The following ZW10 variants were observed in gnomAD, a reference collection of about 807,000 sequenced individuals.
The protein encoded by ZW10 is centromere/kinetochore protein zw10 homolog.
ZW10 carries 53 observed loss-of-function variants against 87.8 expected under a neutral mutation model. The observed-to-expected ratio is 0.60, with a 90% CI of 0.48 to 0.76. The LOEUF (loss-of-function observed/expected upper bound fraction) is 0.76. Ranked by LOEUF, ZW10 falls within the 30% of genes least tolerant of loss-of-function variation. The probability of loss-of-function intolerance (pLI) is 0.00; values close to 1 mark genes in which losing one functional copy is unlikely to be tolerated. For missense variants in ZW10, 837 were observed against 923.0 expected, an observed-to-expected ratio of 0.91 and a Z score of 1.21; for synonymous variants, 312 against 329.2, an observed-to-expected ratio of 0.95 and a Z score of 0.57.
intron 7 of ZW10, among the ~76,000 whole-genome samples, chr11:113,749,055 G>A (rs1463916670): frequency 6.6e-6 from 1 of 152,082 alleles, no homozygotes; most frequent in Non-Finnish European, 1.5e-5. Flanking sequence ...AGACTTAGGG[G>A]ATTAAGAGCC....
chr11:113,764,879 T>C (rs1953895653), intron 2 of ZW10, among the ~76,000 whole-genome samples: 1 of 152,244 alleles, frequency 6.6e-6, no homozygotes, highest in South Asian at 2.1e-4. Context: ...TTTTTCACTC[T>C]TTTGGGAGCT....
rs1275074105 is a variant in ZW10, at chr11:113,773,614, T to C, written c.53A>G (p.Glu18Gly). 6.2e-7 allele frequency: 1 copy of C among 1,614,018 alleles called. No homozygotes were observed. The highest frequency in any genetic ancestry group is 8.5e-7 in the Non-Finnish European group (1 of 1,179,984). Residue 18 changes from glutamate to glycine, a missense_variant, in exon 1 of 16, where the codon GAG becomes GGG. By Grantham distance (98) the Glu-to-Gly change is moderately conservative. Transcript: ENST00000200135. ...GCGGCTGATCCGGGTCCCCAGATCC[T>C]CCTTTTCCAGCCTCCCGGAGTGTGC... ...VLAHSGRLEK[E>G]DLGTRISRLT...
intron 7 of ZW10, among the ~76,000 whole-genome samples, chr11:113,756,239 C>G (rs1953783617): frequency 6.6e-6 from 1 of 152,090 alleles, no homozygotes; most frequent in Non-Finnish European, 1.5e-5. Flanking sequence ...AGAAGGCCAT[C>G]TGCAAGATAA....
intron 13 of ZW10, among the ~76,000 whole-genome samples, chr11:113,737,970 T>C (rs1319477087): frequency 6.6e-6 from 1 of 152,028 alleles, no homozygotes; most frequent in Non-Finnish European, 1.5e-5. Context: ...AAAGCCAATA[T>C]TTCAAATTCC....
In ZW10 at chr11:113,760,721, T is replaced by C. The variant is rs1420284947; in HGVS notation, c.342+96A>G. On this transcript the variant is annotated intron_variant, in intron 3 of 15. Transcript: ENST00000200135. The stretch of plus-strand genomic sequence containing the variant: ...AAAAAAAAAGAAAGAAAAAAAAATA[T>C]GAAGACAAAAAAACCCATTATAGTC... 5.4e-6 allele frequency: 6 copies of C among 1,102,474 alleles called. No homozygotes were observed. In the East Asian group the frequency reaches 1.7e-4, roughly 31 times the overall value. The allele number at this position is 1,102,474 out of a possible 1,614,324, so 68.3% of individuals were successfully genotyped here.
intron 13 of ZW10, 50 bp downstream of exon 13, chr11:113,738,214 A>G: frequency 1.3e-6 from 2 of 1,515,356 alleles, no homozygotes. Context: ...ACAAAAAAAA[A>G]GGCATCTAAG....
At chr11:113,752,545 T>C (rs1421747827) in intron 7 of ZW10, among the ~76,000 whole-genome samples, 1 of 152,274 alleles carries the variant, frequency 6.6e-6, no homozygotes, top group African/African-American at 2.4e-5. Context: ...TCACTTCATA[T>C]ATCTGTGTCA....
intron 3 of ZW10, 30 bp from the exon 4 acceptor site, chr11:113,760,620 T>A (rs1314444767): frequency 3.2e-6 from 5 of 1,541,300 alleles, no homozygotes; most frequent in Non-Finnish European, 4.5e-6. Context: ...ATTTTATACA[T>A]CCTATTATTT....
In ZW10 at chr11:113,736,826, G is replaced by T. The variant is rs200787888; in HGVS notation, c.2017-4C>A. 177 of 1,613,826 alleles carry T rather than the reference G, an allele frequency of 1.1e-4. No homozygotes were observed. The highest frequency in any genetic ancestry group is 1.5e-4 in the Non-Finnish European group (172 of 1,179,880). On this transcript the variant is annotated splice_polypyrimidine_tract_variant and splice_region_variant and intron_variant, in intron 14 of 15. Coordinates refer to ENST00000200135, the MANE Select transcript of ZW10 (RefSeq NM_004724.4). ...CACCATCTTCAGTAGATATGTCCTGGTTTTGCACAGAGGAAACACAATAGA... is the reference window on the plus strand; with the variant it reads ...CACCATCTTCAGTAGATATGTCCTGTTTTTGCACAGAGGAAACACAATAGA...
At position 113,739,562 on chromosome 11, in the gene ZW10, G is replaced by C. The variant is rs528726370; in HGVS notation, c.1584-180C>G. ...CTCCCAGAGGGAGGCTGTTCTGCCT[G>C]AATGGGATTTTATCCTATAAAACTA... On this transcript the variant is annotated intron_variant, in intron 11 of 15. Coordinates refer to ENST00000200135, the MANE Select transcript of ZW10 (RefSeq NM_004724.4). 9.2e-5 allele frequency among the ~76,000 whole-genome samples: 14 copies of C among 152,326 alleles called. No homozygotes were observed. The South Asian group carries it at 2.9e-3, about 32-fold the overall frequency.
Position 113,741,612 on chromosome 11 carries a change from A to T in ZW10, c.1583+82T>A. 3 of 845,146 alleles carry T rather than the reference A, an allele frequency of 3.5e-6. No homozygotes were observed. The East Asian group carries it at 8.6e-5, about 24-fold the overall frequency. 52.4% of individuals were successfully genotyped at this position (845,146 alleles called of 1,614,324 possible). ...AGTAAACAAAATATCTTTAGTGGGA[A>T]TATAAAATTATTTGTTTTAACTTAA... On this transcript the variant is annotated intron_variant, in intron 11 of 15. Coordinates refer to ENST00000200135, the MANE Select transcript of ZW10 (RefSeq NM_004724.4).
intron 15 of ZW10, among the ~76,000 whole-genome samples, chr11:113,735,667 T>C (rs1002921411): frequency 1.3e-5 from 2 of 152,164 alleles, no homozygotes; most frequent in African/African-American, 4.8e-5. Flanking sequence ...CAAGACAATA[T>C]AAAATCATCC....
At position 113,736,766 on chromosome 11, in the gene ZW10, A is replaced by C; in HGVS notation, c.2073T>G (p.Asp691Glu). The C allele has an allele frequency of 6.2e-7, 1 of 1,614,154 alleles. No individual in the cohort carries two copies. The highest frequency in any genetic ancestry group is 8.5e-7 in the Non-Finnish European group (1 of 1,180,022). Residue 691 changes from aspartate to glutamate, a missense_variant, in exon 15 of 16, where the codon GAT becomes GAG. Physicochemically the swap from Asp to Glu is conservative, Grantham distance 45 (BLOSUM62 2). Coordinates refer to ENST00000200135, the MANE Select transcript of ZW10 (RefSeq NM_004724.4). ...RLYSLCKTVM[D>E]EGPQVFAPLS... ...AAGGTGCAAATACTTGGGGTCCTTC[A>C]TCCATCACTGTTTTGCATAAGGAAT...
At chr11:113,752,464 T>C (rs1953743245) in intron 7 of ZW10, among the ~76,000 whole-genome samples, 1 of 152,208 alleles carries the variant, frequency 6.6e-6, no homozygotes, top group African/African-American at 2.4e-5. Flanking sequence ...GGTTTTATTT[T>C]CAAATTGAAG....
rs1352227683 is a variant in ZW10, at chr11:113,760,261, G to T, written c.528C>A (p.His176Gln). ...TCAGCTTCTGCCACTCTTCTCCAAG[G>T]TGATAAAGTATGTTCTGTTTCTGTA... ...LTIQKQNILY[H>Q]LGEEWQKLIV... The change falls in exon 5 of 16, where the codon CAC becomes CAA. Residue 176 changes from histidine to glutamine, a missense_variant. Physicochemically the swap from His to Gln is conservative, Grantham distance 24 (BLOSUM62 0). Transcript: ENST00000200135. 1 of 1,614,104 alleles carries T rather than the reference G, an allele frequency of 6.2e-7. No individual in the cohort carries two copies. Among genetic ancestry groups the T allele is most frequent in the Non-Finnish European group, 8.5e-7 (1 of 1,180,014 alleles).
intron 14 of ZW10, 86 bp downstream of exon 14, chr11:113,737,486 T>C (rs868200396): frequency 4.5e-5 from 59 of 1,322,346 alleles, no homozygotes; most frequent in Middle Eastern, 4.0e-4. Context: ...ACATGAACAA[T>C]TTCTTCAACA....
intron 10 of ZW10, among the ~76,000 whole-genome samples, chr11:113,742,721 C>G (rs1953634594): frequency 6.6e-6 from 1 of 152,180 alleles, no homozygotes; most frequent in Non-Finnish European, 1.5e-5. Context: ...TGTGAAGAAA[C>G]AGTCCTATAT....
intron 1 of ZW10, among the ~76,000 whole-genome samples, chr11:113,772,852 T>C (rs926817489): frequency 3.5e-4 from 52 of 147,852 alleles, no homozygotes; most frequent in Non-Finnish European, 7.0e-4. Flanking sequence ...CCAGGCGTGG[T>C]GGCACGCGCC....
intron 7 of ZW10, among the ~76,000 whole-genome samples, chr11:113,756,486 T>C (rs907620985): frequency 6.6e-6 from 1 of 152,206 alleles, no homozygotes; most frequent in African/African-American, 2.4e-5. Flanking sequence ...CAGGGTAGTA[T>C]ATTGTGACAA....
Sources: allele counts gnomAD v4.1 joint callset (sites outside exome capture counted in the v4.1 genomes callset), GRCh38; gene constraint gnomAD v4.1.1; transcripts MANE v1.5; gene names NCBI Gene and HGNC (gene_info 2026-07-23, HGNC 2026-07-21).